The following FGD4 variants were observed in gnomAD, a reference collection of about 807,000 sequenced individuals.
FGD4 encodes the protein FYVE, RhoGEF and PH domain containing 4.
A neutral mutation model predicts 102.0 loss-of-function variants in FGD4; 42 were observed. The observed-to-expected ratio is 0.41, with a 90% CI of 0.32 to 0.53. FGD4 has a LOEUF of 0.53. FGD4 is among the 20% of genes least tolerant of loss of function. The pLI is 0.21. For synonymous variants in FGD4, 380 were observed against 375.7 expected (o/e 1.01, Z -0.13); for missense variants, 902 against 1,078.2 (o/e 0.84, Z 2.29).
At chr12:32,503,117 G>A (rs1938370827) in intron 1 of FGD4, among the ~76,000 whole-genome samples, 1 of 152,136 alleles carries the variant, frequency 6.6e-6, no homozygotes, top group Admixed American at 6.5e-5. Context: ...AGGCAGCATT[G>A]TATCCCCTTC....
chr12:32,561,075 GTT>G (rs1218919677), intron 1 of FGD4, among the ~76,000 whole-genome samples: 21 of 85,180 alleles, frequency 2.5e-4, no homozygotes, highest in Non-Finnish European at 3.5e-4. Flanking sequence ...GTTGGGTTTT[GTT>G]TTTTTTTTTT....
chr12:32,575,681 C>G (rs1361741188), intron 2 of FGD4, among the ~76,000 whole-genome samples: 1 of 152,112 alleles, frequency 6.6e-6, no homozygotes, highest in African/African-American at 2.4e-5. Flanking sequence ...AATAGTAGTA[C>G]CTACCTGAGA....
Position 32,506,021 on chromosome 12 carries a change from A to G in FGD4, c.167-58116A>G, listed in dbSNP as rs1938694328. Among the ~76,000 whole-genome samples the G allele has an allele frequency of 6.6e-6, 1 of 152,212 alleles. No individual in the cohort carries two copies. On this transcript the variant is annotated intron_variant, in intron 1 of 16. Transcript: ENST00000534526. The surrounding 1 kb of genome is among the most constrained non-coding windows in gnomAD (Gnocchi z 4.5). Reference sequence around the variant, plus strand: ...GTCTGCTTTTTAATGCCCTCATTTTAAAGAAGAACCTGAGGCCCATAAAGA... The same window carrying G: ...GTCTGCTTTTTAATGCCCTCATTTTGAAGAAGAACCTGAGGCCCATAAAGA...
At chr12:32,441,497 C>T (rs555971312) in intron 1 of FGD4, among the ~76,000 whole-genome samples, 33 of 152,008 alleles carry the variant, frequency 2.2e-4, no homozygotes, top group South Asian at 2.1e-3. Context: ...ACTCTGACTA[C>T]GGTGCCCTTT....
chr12:32,601,190 G>A (rs1447809771), intron 5 of FGD4, 88 bp from the exon 6 acceptor site: 2 of 1,397,732 alleles, frequency 1.4e-6, no homozygotes, highest in African/African-American at 1.4e-5. Context: ...TCAATAAAAA[G>A]TTACTAAGAG....
At chr12:32,582,630 C>A in intron 4 of FGD4, 163 bp downstream of exon 4, 1 of 824,334 alleles carries the variant, frequency 1.2e-6, no homozygotes, top group Non-Finnish European at 1.9e-6. Flanking sequence ...TTCCCCTATG[C>A]TCTAAGCAGA....
At position 32,564,229 on chromosome 12, in the gene FGD4, G is replaced by C; in HGVS notation, c.259G>C (p.Ala87Pro). Residue 87 changes from alanine to proline, a missense_variant, in exon 2 of 17, where the codon GCT becomes CCT. Transcript: ENST00000534526. ...TGGTGAGAATGTATCTGAAGAAGAGGCTCAGGGAATAAATGGGAACAGGCC... is the reference window on the plus strand; with the variant it reads ...TGGTGAGAATGTATCTGAAGAAGAGCCTCAGGGAATAAATGGGAACAGGCC... Reference protein sequence around the residue: ...LVGENVSEEEAQGINGNRPAK... With the variant: ...LVGENVSEEEPQGINGNRPAK... The C allele has an allele frequency of 6.5e-7, 1 of 1,536,114 alleles. No homozygotes were observed. The highest frequency in any genetic ancestry group is 8.7e-7 in the Non-Finnish European group (1 of 1,146,906).
intron 4 of FGD4, among the ~76,000 whole-genome samples, chr12:32,585,407 G>T (rs914444747): frequency 1.3e-5 from 2 of 151,782 alleles, no homozygotes; most frequent in Non-Finnish European, 2.9e-5. Context: ...AAAATTCAGT[G>T]TGCCAGTCTC....
intron 1 of FGD4, among the ~76,000 whole-genome samples, chr12:32,518,261 C>CT (rs1440019595): frequency 6.6e-6 from 1 of 152,124 alleles, no homozygotes; most frequent in Admixed American, 6.5e-5. Context: ...GAAGCAGGTA[C>CT]TAGACCTTGG....
chr12:32,421,032 T>G (rs1287784202), intron 1 of FGD4, among the ~76,000 whole-genome samples: 2 of 152,186 alleles, frequency 1.3e-5, no homozygotes, highest in African/African-American at 4.8e-5. Context: ...TACTGGGATT[T>G]ACCAGCATTA....
At chr12:32,487,975 C>T (rs1591996106) in intron 1 of FGD4, among the ~76,000 whole-genome samples, 1 of 152,120 alleles carries the variant, frequency 6.6e-6, no homozygotes, top group Non-Finnish European at 1.5e-5. Flanking sequence ...TAATAGAGGA[C>T]TTCAACTAAG....
chr12:32,441,924 T>C (rs1340115498), intron 1 of FGD4, among the ~76,000 whole-genome samples: 1 of 152,192 alleles, frequency 6.6e-6, no homozygotes, highest in Non-Finnish European at 1.5e-5. Flanking sequence ...AGGACAGCAC[T>C]GAGTTCAATG....
In FGD4 at chr12:32,582,127, C is replaced by T. The variant is rs1282163986; in HGVS notation, c.671C>T (p.Thr224Ile). The part of the protein sequence containing the change: ...NDTDKTQGAQ[T>I]CVANGVMAAQ... ...ACAGATAAGACTCAGGGTGCACAGA[C>T]TTGTGTGGCCAACGGTGTAATGGCA... The change falls in exon 4 of 17, where the codon ACT (threonine) becomes ATT (isoleucine). Residue 224 changes from threonine to isoleucine, a missense_variant. By Grantham distance (89) the Thr-to-Ile change is moderately conservative. Coordinates refer to ENST00000534526, the MANE Select transcript of FGD4 (RefSeq NM_001370298.3). The T allele has an allele frequency of 6.2e-7, 1 of 1,614,120 alleles. No homozygotes were observed. Among genetic ancestry groups the T allele is most frequent in the African/African-American group, 1.3e-5 (1 of 74,942 alleles).
At chr12:32,561,819 CT>C (rs1345018824) in intron 1 of FGD4, among the ~76,000 whole-genome samples, 1 of 152,198 alleles carries the variant, frequency 6.6e-6, no homozygotes, top group Non-Finnish European at 1.5e-5. Flanking sequence ...TCCTCTTCAT[CT>C]ATGTCTCATG....
chr12:32,484,067 C>T (rs988279079), intron 1 of FGD4, among the ~76,000 whole-genome samples: 2 of 151,954 alleles, frequency 1.3e-5, no homozygotes, highest in Non-Finnish European at 2.9e-5. Context: ...ATGTATAATA[C>T]CTTGGAAATT....
intron 4 of FGD4, among the ~76,000 whole-genome samples, chr12:32,593,997 T>G (rs1209774670): frequency 6.6e-6 from 1 of 152,210 alleles, no homozygotes; most frequent in African/African-American, 2.4e-5. Flanking sequence ...TACCAGGATC[T>G]GGTGGTAGGA....
intron 1 of FGD4, among the ~76,000 whole-genome samples, chr12:32,473,042 G>GC (rs562821636): frequency 0.012 from 1,875 of 151,594 alleles, 10 homozygotes; most frequent in Non-Finnish European, 0.019. Context: ...CTGCTCTGGT[G>GC]GGGCCTTGGA....
intron 14 of FGD4, among the ~76,000 whole-genome samples, chr12:32,627,602 G>C (rs904766482): frequency 7.9e-5 from 12 of 152,174 alleles, no homozygotes; most frequent in African/African-American, 2.9e-4. Context: ...GAGCCTAGTA[G>C]AGAAACAAAG....
At chr12:32,573,048 T>A (rs1057473807) in intron 2 of FGD4, among the ~76,000 whole-genome samples, 2 of 152,194 alleles carry the variant, frequency 1.3e-5, no homozygotes, top group Admixed American at 1.3e-4. Flanking sequence ...TCATTTCCTC[T>A]GGGTACAGAC....
Sources: allele counts gnomAD v4.1 joint callset (sites outside exome capture counted in the v4.1 genomes callset), GRCh38; gene constraint gnomAD v4.1.1; non-coding constraint Gnocchi (gnomAD v3.1); transcripts MANE v1.5; gene names NCBI Gene and HGNC (gene_info 2026-07-23, HGNC 2026-07-21).